The following BOC variants were observed in gnomAD, a reference collection of about 807,000 sequenced individuals.
The protein encoded by BOC is BOC cell adhesion associated, oncogene regulated.
A neutral mutation model predicts 112.0 loss-of-function variants in BOC; 76 were observed. The ratio of observed to expected loss-of-function variants is 0.68; its 90% CI spans 0.56 to 0.82. The LOEUF (loss-of-function observed/expected upper bound fraction) is 0.82, where lower values mean the gene tolerates loss of function less well. Ranked by LOEUF, BOC falls within the 40% of genes least tolerant of loss-of-function variation. The pLI is 0.00. For synonymous variants in BOC, 580 were observed against 599.8 expected (o/e 0.97, Z 0.48); for missense variants, 1,309 against 1,511.7 (o/e 0.87, Z 2.22).
rs756329064 is a variant in BOC, at chr3:113,284,494, G to A, written c.2816G>A (p.Arg939Lys). 6.2e-7 allele frequency: 1 copy of A among 1,614,202 alleles called. No homozygotes were observed. Among genetic ancestry groups the A allele is most frequent in the African/African-American group, 1.3e-5 (1 of 75,070 alleles). ...RACANGIHMNRGCPSAAVGYP... is the reference protein window; with the variant it reads ...RACANGIHMNKGCPSAAVGYP... ...TGTGCTAATGGGATCCACATGAATA[G>A]GGGCTGCCCCTCGGCTGCAGTGGGC... The change falls in exon 17 of 20, where the codon AGG (arginine) becomes AAG (lysine). Residue 939 changes from arginine (R) to lysine (K), a missense_variant. By Grantham distance (26) the Arg-to-Lys change is conservative (BLOSUM62 2). Transcript: ENST00000682979.
intron 2 of BOC, among the ~76,000 whole-genome samples, chr3:113,239,437 G>A (rs1188865115): frequency 6.6e-6 from 1 of 152,182 alleles, no homozygotes; most frequent in African/African-American, 2.4e-5. Flanking sequence ...GTTTATGTTT[G>A]TATAAGCAGG....
chr3:113,225,075 T>TCAAAAA (rs929287851), intron 2 of BOC, among the ~76,000 whole-genome samples: 1 of 136,542 alleles, frequency 7.3e-6, no homozygotes, highest in South Asian at 2.4e-4. Context: ...AGACTCCGTC[T>TCAAAAA]CAAAAACAAA....
intron 2 of BOC, among the ~76,000 whole-genome samples, chr3:113,218,736 T>A (rs1180087761): frequency 6.6e-6 from 1 of 152,270 alleles, no homozygotes; most frequent in Admixed American, 6.5e-5. Flanking sequence ...GTTTTTGTGG[T>A]CTGCCATCTG....
At chr3:113,268,910 G>C (rs1947811270) in intron 5 of BOC, among the ~76,000 whole-genome samples, 2 of 152,206 alleles carry the variant, frequency 1.3e-5, no homozygotes. Context: ...GTTCTTTCTT[G>C]ATATTTGGTC....
chr3:113,251,254 G>A (rs1945604795), intron 4 of BOC: 1 of 335,654 alleles, frequency 3.0e-6, no homozygotes, highest in Non-Finnish European at 5.5e-6. Flanking sequence ...AGCAGGGAGA[G>A]ACAGGACACC....
At chr3:113,229,200 C>T (rs1942191429) in intron 2 of BOC, among the ~76,000 whole-genome samples, 1 of 152,122 alleles carries the variant, frequency 6.6e-6, no homozygotes, top group African/African-American at 2.4e-5. Flanking sequence ...CACTGTTAAC[C>T]CTTTACAGCT....
intron 4 of BOC, among the ~76,000 whole-genome samples, chr3:113,265,493 G>A (rs1947376633): frequency 6.6e-6 from 1 of 152,150 alleles, no homozygotes; most frequent in South Asian, 2.1e-4. Flanking sequence ...ATCATTCACA[G>A]CTCGCTTTGT....
At chr3:113,249,554 T>C (rs1355027717) in intron 2 of BOC, among the ~76,000 whole-genome samples, 168 bp from the exon 3 acceptor site, 3 of 152,352 alleles carry the variant, frequency 2.0e-5, no homozygotes, top group Non-Finnish European at 4.4e-5. Flanking sequence ...TTCTTTTAGA[T>C]GAGAAATGGC....
intron 2 of BOC, among the ~76,000 whole-genome samples, chr3:113,233,148 G>GGTGTGTGTGT (rs59444901): frequency 0.032 from 4,024 of 123,934 alleles, 158 homozygotes; most frequent in East Asian, 0.069. Flanking sequence ...AAAGGATTGG[G>GGTGTGTGTGT]GTGTGTGTGT....
At chr3:113,271,425 T>C in intron 6 of BOC, 1 of 342,034 alleles carries the variant, frequency 2.9e-6, no homozygotes, top group South Asian at 2.2e-5. Flanking sequence ...GAGGCCCACA[T>C]GCTCTCAATG....
chr3:113,243,592 G>T (rs1012603922), intron 2 of BOC, among the ~76,000 whole-genome samples: 3 of 152,180 alleles, frequency 2.0e-5, no homozygotes, highest in Non-Finnish European at 4.4e-5. Context: ...CACTCAGGCG[G>T]TCGTAGGATT....
intron 3 of BOC, among the ~76,000 whole-genome samples, chr3:113,250,340 G>T (rs1349198680): frequency 6.6e-6 from 1 of 152,204 alleles, no homozygotes; most frequent in Non-Finnish European, 1.5e-5. Context: ...CAAATGCAAA[G>T]CCCAAGCTCT....
At chr3:113,217,421 G>A (rs1939632118) in intron 2 of BOC, among the ~76,000 whole-genome samples, 1 of 152,200 alleles carries the variant, frequency 6.6e-6, no homozygotes, top group Non-Finnish European at 1.5e-5. Flanking sequence ...CAGCTCCCTG[G>A]GAGGCTGAGG....
chr3:113,241,430 C>G (rs543471408), intron 2 of BOC, among the ~76,000 whole-genome samples: 1 of 152,218 alleles, frequency 6.6e-6, no homozygotes, highest in East Asian at 1.9e-4. Context: ...CCCCTCTGCT[C>G]TCCCGGGAAC....
chr3:113,247,576 G>A (rs1945089696), intron 2 of BOC, among the ~76,000 whole-genome samples: 1 of 151,708 alleles, frequency 6.6e-6, no homozygotes, highest in Admixed American at 6.6e-5. Context: ...GCCTAAACTG[G>A]GTTTCAATCC....
At chr3:113,261,279 C>A (rs1173917808) in intron 4 of BOC, among the ~76,000 whole-genome samples, 1 of 152,170 alleles carries the variant, frequency 6.6e-6, no homozygotes, top group Non-Finnish European at 1.5e-5. Flanking sequence ...TGAGTCCAGA[C>A]CACCAGGACT....
At chr3:113,212,458 G>A (rs1419972256) in intron 1 of BOC, 1 of 152,276 alleles carries the variant, frequency 6.6e-6, no homozygotes, top group Non-Finnish European at 1.5e-5. Flanking sequence ...AGGCCGTGGG[G>A]GGAACCCGAG....
Position 113,274,017 on chromosome 3 carries a change from A to G in BOC, c.1235-358A>G, listed in dbSNP as rs1948410447. Among the ~76,000 whole-genome samples, 1 of 152,208 alleles carries G rather than the reference A, an allele frequency of 6.6e-6. No individual in the cohort carries two copies. Among genetic ancestry groups the G allele is most frequent in the Non-Finnish European group, 1.5e-5 (1 of 68,032 alleles). On this transcript the variant is annotated intron_variant, in intron 8 of 19. Coordinates refer to ENST00000682979, the MANE Select transcript of BOC (RefSeq NM_001378074.1). The surrounding 1 kb of genome is among the most constrained non-coding windows in gnomAD (Gnocchi z 4.8). ...TGTTAAAATTCCACCATGAAGGGAC[A>G]TGTCCCCACCTCCAGCCTAGACCGA... is the stretch of plus-strand genomic sequence containing the variant.
chr3:113,238,509 A>T (rs1005189710), intron 2 of BOC, among the ~76,000 whole-genome samples: 2 of 152,220 alleles, frequency 1.3e-5, no homozygotes, highest in African/African-American at 2.4e-5. Context: ...AATGGGATCT[A>T]TGTTACTTTT....
Sources: allele counts gnomAD v4.1 joint callset (sites outside exome capture counted in the v4.1 genomes callset), GRCh38; gene constraint gnomAD v4.1.1; non-coding constraint Gnocchi (gnomAD v3.1); transcripts MANE v1.5; gene names NCBI Gene and HGNC (gene_info 2026-07-23, HGNC 2026-07-21).